Variants in PDE7B observed in about 807,000 individuals in gnomAD.
PDE7B encodes 3',5'-cyclic-AMP phosphodiesterase 7B.
PDE7B carries 29 observed loss-of-function variants against 56.2 expected under a neutral mutation model. The ratio of observed to expected loss-of-function variants is 0.52; its 90% CI spans 0.38 to 0.70. The LOEUF is 0.70. PDE7B is among the 30% of genes least tolerant of loss of function. The pLI, the probability that PDE7B is intolerant of heterozygous loss-of-function variation, is 0.00. For synonymous variants in PDE7B, 197 were observed against 196.9 expected (o/e 1.00, Z 0.00); for missense variants, 490 against 565.0 (o/e 0.87, Z 1.35).
intron 2 of PDE7B, among the ~76,000 whole-genome samples, chr6:136,002,366 T>C (rs1283124943): frequency 2.0e-5 from 3 of 152,144 alleles, no homozygotes; most frequent in Non-Finnish European, 4.4e-5. Context: ...ACTTTAAATA[T>C]AAATGGACTA....
At chr6:136,034,962 T>G (rs1167319374) in intron 2 of PDE7B, 1 of 151,960 alleles carries the variant, frequency 6.6e-6, no homozygotes, top group Non-Finnish European at 1.5e-5. Context: ...AGGTGTCCAT[T>G]GTCCATTGGA....
At chr6:135,892,432 G>A (rs73775603) in intron 1 of PDE7B, among the ~76,000 whole-genome samples, 10,839 of 152,102 alleles carry the variant, frequency 0.071, 770 homozygotes, top group African/African-American at 0.19. Flanking sequence ...GCATCAAAAA[G>A]TTATTTGATC....
chr6:136,007,603 C>T (rs1434346862), intron 2 of PDE7B, among the ~76,000 whole-genome samples: 2 of 150,228 alleles, frequency 1.3e-5, no homozygotes, highest in Non-Finnish European at 2.9e-5. Context: ...GAAGATCAGA[C>T]TTTTAGCACT....
chr6:136,034,897 C>T (rs573897361), intron 2 of PDE7B: 1 of 152,492 alleles, frequency 6.6e-6, no homozygotes, highest in Admixed American at 6.5e-5. Flanking sequence ...GAAGCCATCA[C>T]ACCCTCAACA....
At chr6:135,864,074 G>A (rs894806778) in intron 1 of PDE7B, among the ~76,000 whole-genome samples, 3 of 151,544 alleles carry the variant, frequency 2.0e-5, no homozygotes, top group African/African-American at 7.3e-5. Flanking sequence ...CCCCCTTTCC[G>A]TTAGCTTTAG....
intron 1 of PDE7B, among the ~76,000 whole-genome samples, chr6:135,912,892 T>C (rs1047224371): frequency 6.6e-6 from 1 of 152,150 alleles, no homozygotes; most frequent in Admixed American, 6.5e-5. Context: ...ACACAGTCGG[T>C]AGTGCCAGAA....
At chr6:136,070,592 ATAGCATTT>A (rs550571847) in intron 2 of PDE7B, among the ~76,000 whole-genome samples, 45 of 152,294 alleles carry the variant, frequency 3.0e-4, no homozygotes, top group Middle Eastern at 3.4e-3. Flanking sequence ...TCCAGATAGA[ATAGCATTT>A]TAGTCCTTCT....
At chr6:136,002,405 G>C (rs528041220) in intron 2 of PDE7B, among the ~76,000 whole-genome samples, 18 of 152,214 alleles carry the variant, frequency 1.2e-4, no homozygotes, top group African/African-American at 3.9e-4. Flanking sequence ...CACAGACTGA[G>C]AAATTGGATA....
At chr6:136,191,071 C>T (rs1055740155) in intron 12 of PDE7B, among the ~76,000 whole-genome samples, 1 of 141,048 alleles carries the variant, frequency 7.1e-6, no homozygotes, top group African/African-American at 3.0e-5. Flanking sequence ...CAAGTAATAG[C>T]CAGTATTCAC....
chr6:135,862,326 T>G (rs1363458983), intron 1 of PDE7B, among the ~76,000 whole-genome samples: 1 of 151,810 alleles, frequency 6.6e-6, no homozygotes, highest in African/African-American at 2.4e-5. Context: ...TGTTTATAGG[T>G]GATTGATTTT....
chr6:135,989,869 A>C (rs1349935999), intron 2 of PDE7B, among the ~76,000 whole-genome samples: 3 of 152,152 alleles, frequency 2.0e-5, no homozygotes, highest in Non-Finnish European at 4.4e-5. Flanking sequence ...ATGTTTAAGA[A>C]TATATGAAAC....
At chr6:136,183,459 G>A (rs1322712380) in intron 11 of PDE7B, among the ~76,000 whole-genome samples, 1 of 151,714 alleles carries the variant, frequency 6.6e-6, no homozygotes, top group Admixed American at 6.6e-5. Context: ...AGCCGGGCAT[G>A]GTGGCGGGCA....
intron 1 of PDE7B, among the ~76,000 whole-genome samples, chr6:135,899,827 T>C (rs1468134643): frequency 6.6e-6 from 1 of 152,158 alleles, no homozygotes; most frequent in Non-Finnish European, 1.5e-5. Context: ...TCATTGCACA[T>C]ATGATAAAAT....
chr6:135,861,421 A>C (rs1217423747), intron 1 of PDE7B, among the ~76,000 whole-genome samples: 1 of 151,458 alleles, frequency 6.6e-6, no homozygotes, highest in Non-Finnish European at 1.5e-5. Flanking sequence ...TAATGGTCTG[A>C]GCACCTTTTC....
intron 1 of PDE7B, among the ~76,000 whole-genome samples, chr6:135,887,515 ATGG>A (rs1775731103): frequency 1.3e-5 from 2 of 152,332 alleles, no homozygotes; most frequent in African/African-American, 4.8e-5. Flanking sequence ...CTAAGTAATG[ATGG>A]TGAACCCAAT....
At chr6:135,915,659 T>G (rs923190930) in intron 1 of PDE7B, among the ~76,000 whole-genome samples, 1 of 152,192 alleles carries the variant, frequency 6.6e-6, no homozygotes, top group African/African-American at 2.4e-5. Context: ...CGTCCAGGTA[T>G]AGACCCATGC....
Position 135,882,337 on chromosome 6 carries a change from A to G in PDE7B, c.21+30318A>G, listed in dbSNP as rs775285403. Among the ~76,000 whole-genome samples, 133 of 152,280 alleles carry G rather than the reference A, an allele frequency of 8.7e-4. No homozygotes were observed. The Middle Eastern group carries it at 0.014, about 16-fold the overall frequency. On this transcript the variant is annotated intron_variant, in intron 1 of 12. Coordinates refer to ENST00000308191, the MANE Select transcript of PDE7B (RefSeq NM_018945.4). ...CTATGAACCTCATGTAAAAAAATAA[A>G]AAAGTCTTCAACTAAGTAAAAATTA...
chr6:135,855,482 A>T (rs74875103), intron 1 of PDE7B, among the ~76,000 whole-genome samples: 1 of 152,236 alleles, frequency 6.6e-6, no homozygotes, highest in East Asian at 1.9e-4. Flanking sequence ...TAAGAAAAAA[A>T]TAAATTGTAT....
chr6:135,871,475 T>C (rs1384417825), intron 1 of PDE7B, among the ~76,000 whole-genome samples: 2 of 152,218 alleles, frequency 1.3e-5, no homozygotes, highest in Admixed American at 1.3e-4. Flanking sequence ...TCTCCTCTTA[T>C]TTGGGCTCAG....
Sources: allele counts gnomAD v4.1 joint callset (sites outside exome capture counted in the v4.1 genomes callset), GRCh38; gene constraint gnomAD v4.1.1; transcripts MANE v1.5; gene names NCBI Gene and HGNC (gene_info 2026-07-23, HGNC 2026-07-21).